CNTN5: variants seen among roughly 807,000 people sequenced by gnomAD.
CNTN5 encodes the protein contactin 5.
A neutral mutation model predicts 129.1 loss-of-function variants in CNTN5; 77 were observed. That is an observed-to-expected ratio of 0.60 (90% confidence interval 0.50 to 0.72). The LOEUF is 0.72. Ranked by LOEUF, CNTN5 falls within the 30% of genes least tolerant of loss-of-function variation. CNTN5 has a pLI of 0.00. For synonymous variants in CNTN5, 509 were observed against 465.6 expected (o/e 1.09, Z -1.20); for missense variants, 1,478 against 1,328.8 (o/e 1.11, Z -1.75).
At chr11:99,731,256 C>G (rs1228718864) in intron 3 of CNTN5, among the ~76,000 whole-genome samples, 1 of 149,470 alleles carries the variant, frequency 6.7e-6, no homozygotes, top group Non-Finnish European at 1.5e-5. Flanking sequence ...TACAGGCGCC[C>G]GCCACCATGC....
rs7937370 is a variant in CNTN5, at chr11:99,490,524, G to A, written c.-70-65621G>A. Among the ~76,000 whole-genome samples, 1,313 of 152,212 alleles carry A rather than the reference G, an allele frequency of 8.6e-3. 18 individuals carry two copies. The highest frequency in any genetic ancestry group is 0.029 in the African/African-American group (1,217 of 41,526). ...AATAATAGATTATTTTTCAGTGTGC[G>A]TTCCTCAGAAATTGTAGCCTGAGAC... is the stretch of plus-strand genomic sequence containing the variant. On this transcript the variant is annotated intron_variant, in intron 2 of 24. Coordinates refer to ENST00000524871, the MANE Select transcript of CNTN5 (RefSeq NM_014361.4).
Position 99,801,629 on chromosome 11 carries a change from C to CT in CNTN5, c.56-17909dup, listed in dbSNP as rs71463594. On this transcript the variant is annotated intron_variant, in intron 3 of 24. Coordinates refer to ENST00000524871, the MANE Select transcript of CNTN5 (RefSeq NM_014361.4). ...TATTTCTTGACAACTTTTTTTAACT[C>CT]TTTTTTAAATTTATGTTTTTGTCTC... 1.0e-3 allele frequency among the ~76,000 whole-genome samples: 145 copies of CT among 140,754 alleles called. 3 individuals are homozygous for CT. In the East Asian group the frequency reaches 0.027, roughly 26 times the overall value. 92.3% of individuals were successfully genotyped at this position (140,754 alleles called of 152,430 possible). A position where few individuals can be genotyped will look rare whatever the true frequency, so the allele number is the denominator to read the frequency against.
At chr11:99,322,458 A>G (rs1405868442) in intron 1 of CNTN5, among the ~76,000 whole-genome samples, 1 of 152,192 alleles carries the variant, frequency 6.6e-6, no homozygotes, top group Admixed American at 6.5e-5. Flanking sequence ...TTTTAACATG[A>G]ATAGAAGCTC....
chr11:99,940,212 T>C (rs544745407), intron 7 of CNTN5, among the ~76,000 whole-genome samples: 35 of 152,104 alleles, frequency 2.3e-4, no homozygotes, highest in Non-Finnish European at 1.5e-4. Flanking sequence ...GGTGCTGAGA[T>C]TGAGAAAACT....
chr11:99,349,505 G>A (rs1196035419), intron 2 of CNTN5, among the ~76,000 whole-genome samples: 1 of 152,040 alleles, frequency 6.6e-6, no homozygotes, highest in Non-Finnish European at 1.5e-5. Context: ...CCATTGCCAA[G>A]GTACACACAA....
intron 1 of CNTN5, among the ~76,000 whole-genome samples, chr11:99,022,132 C>T (rs1210861516): frequency 6.6e-6 from 1 of 152,086 alleles, no homozygotes; most frequent in East Asian, 1.9e-4. Context: ...AATGCCTTAC[C>T]TACATTTCAT....
intron 3 of CNTN5, among the ~76,000 whole-genome samples, chr11:99,774,293 T>A (rs2135351866): frequency 6.6e-6 from 1 of 151,826 alleles, no homozygotes; most frequent in South Asian, 2.1e-4. Flanking sequence ...AACCAAGTAA[T>A]TTAGTGATTG....
At chr11:99,494,749 T>TA (rs1302384360) in intron 2 of CNTN5, among the ~76,000 whole-genome samples, 1 of 152,154 alleles carries the variant, frequency 6.6e-6, no homozygotes, top group Admixed American at 6.5e-5. Context: ...CCCTCATTTT[T>TA]AGCTCCAAGT....
intron 3 of CNTN5, among the ~76,000 whole-genome samples, chr11:99,728,380 A>G (rs1415221867): frequency 6.6e-6 from 1 of 152,214 alleles, no homozygotes; most frequent in Non-Finnish European, 1.5e-5. Context: ...AAATTAACCA[A>G]ATATACTATA....
chr11:99,712,466 G>T (rs1955032896), intron 3 of CNTN5, among the ~76,000 whole-genome samples: 1 of 152,116 alleles, frequency 6.6e-6, no homozygotes, highest in Non-Finnish European at 1.5e-5. Context: ...TTGCTGTGCA[G>T]TAGCTCTTTA....
At chr11:99,978,516 G>T (rs1938136573) in intron 8 of CNTN5, among the ~76,000 whole-genome samples, 1 of 152,116 alleles carries the variant, frequency 6.6e-6, no homozygotes. Context: ...GTGTACCATT[G>T]TTATTTATAT....
chr11:99,168,048 C>G lies in CNTN5; in HGVS notation c.-210+146778C>G, dbSNP rs577082418. Among the ~76,000 whole-genome samples the G allele has an allele frequency of 2.6e-5, 4 of 152,030 alleles. No homozygotes were observed. The South Asian group carries it at 6.2e-4, about 24-fold the overall frequency. On this transcript the variant is annotated intron_variant, in intron 1 of 24. Transcript: ENST00000524871. ...CCTCCTGTACTCAAAGGATTCCCCC[C>G]ACTGCCTGCCAAGCCTCCCAAGTAG...
chr11:99,045,919 G>A (rs1034436546), intron 1 of CNTN5, among the ~76,000 whole-genome samples: 1 of 152,258 alleles, frequency 6.6e-6, no homozygotes, highest in East Asian at 1.9e-4. Context: ...AGTAGCAGGT[G>A]AGAATAAATC....
At position 99,556,281 on chromosome 11, in the gene CNTN5, GATTA is replaced by G. The variant is rs1377515648; in HGVS notation, c.55+21_55+24del. On this transcript the variant is annotated intron_variant, in intron 3 of 24. Transcript: ENST00000524871. ...CATGTGTCTTTCAGGTAAAAGTCCT[GATTA>G]ATTAATTATTTGATTTTCTAAGTAT... 2.0e-6 allele frequency: 3 copies of G among 1,490,752 alleles called. No individual in the cohort carries two copies. The highest frequency in any genetic ancestry group is 2.1e-5 in the Admixed American group (1 of 47,460). The allele number at this position is 1,490,752 out of a possible 1,614,324, so 92.3% of individuals were successfully genotyped here.
intron 17 of CNTN5, among the ~76,000 whole-genome samples, chr11:100,262,964 T>C (rs1413498218): frequency 3.3e-5 from 5 of 152,092 alleles, no homozygotes; most frequent in Non-Finnish European, 2.9e-5. Context: ...TGATATAAAA[T>C]TACACTGCAC....
intron 3 of CNTN5, among the ~76,000 whole-genome samples, chr11:99,812,609 C>T (rs527898814): frequency 1.1e-4 from 17 of 152,224 alleles, no homozygotes; most frequent in Non-Finnish European, 2.1e-4. Context: ...AGCTAAATCA[C>T]AGAGCTATTC....
intron 13 of CNTN5, among the ~76,000 whole-genome samples, chr11:100,082,570 G>T (rs575583824): frequency 6.6e-6 from 1 of 152,184 alleles, no homozygotes; most frequent in South Asian, 2.1e-4. Context: ...AAGATTATAC[G>T]TGTGAGCCAC....
chr11:99,469,848 A>T (rs1945104213), intron 2 of CNTN5, among the ~76,000 whole-genome samples: 2 of 152,310 alleles, frequency 1.3e-5, no homozygotes, highest in Admixed American at 6.5e-5. Context: ...GGAAGTGATA[A>T]GGTTAAATAA....
chr11:99,544,244 A>G (rs1948212838), intron 2 of CNTN5, among the ~76,000 whole-genome samples: 1 of 152,176 alleles, frequency 6.6e-6, no homozygotes, highest in Non-Finnish European at 1.5e-5. Context: ...TGAACTGTTC[A>G]TGAAATATCT....
Sources: allele counts gnomAD v4.1 joint callset (sites outside exome capture counted in the v4.1 genomes callset), GRCh38; gene constraint gnomAD v4.1.1; transcripts MANE v1.5; gene names NCBI Gene and HGNC (gene_info 2026-07-23, HGNC 2026-07-21).